SAMD12: variants seen among roughly 807,000 people sequenced by gnomAD.
SAMD12 encodes sterile alpha motif domain containing 12, also known as sterile alpha motif domain-containing protein 12.
SAMD12 carries 9 observed loss-of-function variants against 15.0 expected under a neutral mutation model. The observed-to-expected ratio is 0.60, with a 90% CI of 0.36 to 1.05. SAMD12 has a LOEUF of 1.05. SAMD12 is among the 50% of genes least tolerant of loss of function. The pLI is 0.01. For synonymous variants in SAMD12, 86 were observed against 90.1 expected, an observed-to-expected ratio of 0.96 and a Z score of 0.25; for missense variants, 230 against 234.2, an observed-to-expected ratio of 0.98 and a Z score of 0.12.
At chr8:118,131,901 T>C in the SAMD12 span, among the ~76,000 whole-genome samples, 40 of 152,300 alleles carry the variant, frequency 2.6e-4, 1 homozygote, top group South Asian at 8.3e-3. Flanking sequence ...TCTGAAAATT[T>C]ATATTTTTAC....
chr8:118,466,687 C>A (rs897934554), intron 2 of SAMD12, among the ~76,000 whole-genome samples: 1 of 152,082 alleles, frequency 6.6e-6, no homozygotes, highest in Non-Finnish European at 1.5e-5. Flanking sequence ...CCATCCTTTA[C>A]AAATTACTTA....
chr8:118,136,018 C>T, the SAMD12 span, among the ~76,000 whole-genome samples: 4 of 151,684 alleles, frequency 2.6e-5, no homozygotes, highest in African/African-American at 4.8e-5. Flanking sequence ...CTTTATCTGG[C>T]TTCTTTGTTT....
At chr8:118,147,363 AT>A in the SAMD12 span, among the ~76,000 whole-genome samples, 5,138 of 138,372 alleles carry the variant, frequency 0.037, 245 homozygotes, top group African/African-American at 0.12. Context: ...TCCTAGGATA[AT>A]TTTTTTTTTT....
At chr8:118,538,121 T>C (rs1672481066) in intron 2 of SAMD12, among the ~76,000 whole-genome samples, 1 of 152,226 alleles carries the variant, frequency 6.6e-6, no homozygotes, top group East Asian at 1.9e-4. Flanking sequence ...AAGACCCTTA[T>C]TCTCTTCCCT....
chr8:118,479,432 G>A (rs1824057424), intron 2 of SAMD12, among the ~76,000 whole-genome samples: 1 of 152,230 alleles, frequency 6.6e-6, no homozygotes, highest in South Asian at 2.1e-4. Flanking sequence ...CGGCAAGAAA[G>A]AATGAGAAGT....
At chr8:118,290,576 T>TAA (rs1275180300) in intron 4 of SAMD12, among the ~76,000 whole-genome samples, 2 of 152,256 alleles carry the variant, frequency 1.3e-5, no homozygotes, top group Non-Finnish European at 2.9e-5. Context: ...CACATTTATT[T>TAA]GCTTTTTGCT....
At chr8:118,194,769 A>G (rs1284601621) in exon 5 of SAMD12, 1 of 152,196 alleles carries the variant, frequency 6.6e-6, no homozygotes, top group Admixed American at 6.5e-5. Flanking sequence ...GGAAGAAAGT[A>G]CAGCACAGTT....
intron 3 of SAMD12, among the ~76,000 whole-genome samples, chr8:118,434,819 G>GCAGGGAGTTAATGCTATTA (rs1586714122): frequency 1.9e-5 from 2 of 102,980 alleles, no homozygotes; most frequent in African/African-American, 3.1e-5. Flanking sequence ...GTGTGCTTCT[G>GCAGGGAGTTAATGCTATTA]GCCGGGCGCG....
At chr8:118,221,831 T>A (rs114947941) in intron 4 of SAMD12, among the ~76,000 whole-genome samples, 410 of 152,306 alleles carry the variant, frequency 2.7e-3, no homozygotes, top group Middle Eastern at 0.014. Flanking sequence ...TTTACATTCG[T>A]TGGGGTGATT....
the SAMD12 span, among the ~76,000 whole-genome samples, chr8:118,132,094 G>T: frequency 6.6e-6 from 1 of 152,122 alleles, no homozygotes; most frequent in East Asian, 1.9e-4. Context: ...TTAAATAAAA[G>T]TTAAATCATA....
At chr8:118,430,662 A>G (rs1822375185) in intron 3 of SAMD12, among the ~76,000 whole-genome samples, 5 of 152,048 alleles carry the variant, frequency 3.3e-5, no homozygotes, top group Admixed American at 2.0e-4. Flanking sequence ...GCTCAGACTA[A>G]TTGCCGTCTT....
chr8:118,400,801 T>C (rs1820831852), intron 3 of SAMD12, among the ~76,000 whole-genome samples: 1 of 152,138 alleles, frequency 6.6e-6, no homozygotes, highest in Non-Finnish European at 1.5e-5. Flanking sequence ...AGACAGCCTT[T>C]GTCAAAAGAA....
chr8:118,400,926 G>A (rs1221544416), intron 3 of SAMD12, among the ~76,000 whole-genome samples: 1 of 152,158 alleles, frequency 6.6e-6, no homozygotes, highest in Non-Finnish European at 1.5e-5. Context: ...TGAATTCAAT[G>A]AAAACTATAT....
chr8:118,380,310 A>G (rs1227522407), intron 3 of SAMD12, among the ~76,000 whole-genome samples: 1 of 152,120 alleles, frequency 6.6e-6, no homozygotes, highest in Non-Finnish European at 1.5e-5. Context: ...CTTAATCCCA[A>G]TTACTGGCCT....
At chr8:118,246,667 A>AT (rs1812705540) in intron 4 of SAMD12, among the ~76,000 whole-genome samples, 1 of 152,134 alleles carries the variant, frequency 6.6e-6, no homozygotes, top group African/African-American at 2.4e-5. Flanking sequence ...GATCATTCTA[A>AT]TATTTGGTAA....
In SAMD12 at chr8:118,200,368, C is replaced by T. The variant is rs919618328; in HGVS notation, c.434-2636G>A. 2.1e-5 allele frequency among the ~76,000 whole-genome samples: 3 copies of T among 145,518 alleles called. No homozygotes were observed. The East Asian group carries it at 6.0e-4, about 29-fold the overall frequency. ...GTAGGCTTCCGTGTTTATCCACAAG[C>T]CCAATCAGCACGATGAAGGGCCCTA... On this transcript the variant is annotated intron_variant, in intron 4 of 4. Transcript: ENST00000409003.
chr8:118,345,236 T>C (rs1219654975), intron 4 of SAMD12, among the ~76,000 whole-genome samples: 1 of 152,192 alleles, frequency 6.6e-6, no homozygotes, highest in Non-Finnish European at 1.5e-5. Context: ...GCTGTACAGG[T>C]TTGCAGCCTA....
the SAMD12 span, among the ~76,000 whole-genome samples, chr8:118,173,864 G>A: frequency 7.9e-5 from 12 of 152,054 alleles, no homozygotes; most frequent in South Asian, 4.2e-4. Context: ...TCCTGACCTC[G>A]GGTGATCTGC....
chr8:118,427,787 G>C (rs1307785104), intron 3 of SAMD12, among the ~76,000 whole-genome samples: 1 of 152,156 alleles, frequency 6.6e-6, no homozygotes, highest in Non-Finnish European at 1.5e-5. Context: ...CTCCTGGGTA[G>C]ATACCTTGGA....
Sources: gnomAD v4.1 joint callset for allele counts (sites outside exome capture counted in the v4.1 genomes callset) on GRCh38, gnomAD v4.1.1 for gene constraint, MANE v1.5 for transcripts, NCBI Gene and HGNC (gene_info 2026-07-23, HGNC 2026-07-21) for gene names.